SEMA6D: variants seen among roughly 807,000 people sequenced by gnomAD.
SEMA6D encodes semaphorin-6D.
In SEMA6D, 35 loss-of-function variants were observed where a neutral mutation model predicts 106.6. The ratio of observed to expected loss-of-function variants is 0.33; its 90% CI spans 0.25 to 0.44. The LOEUF (loss-of-function observed/expected upper bound fraction) is 0.44, where lower values mean the gene tolerates loss of function less well. SEMA6D is among the 20% of genes least tolerant of loss of function. The probability of loss-of-function intolerance (pLI) is 1.00; values close to 1 mark genes in which losing one functional copy is unlikely to be tolerated. For missense variants in SEMA6D, 1,185 were observed against 1,345.9 expected (o/e 0.88, Z 1.87); for synonymous variants, 499 against 487.7 (o/e 1.02, Z -0.31).
At chr15:47,404,517 A>G (rs1025142297) in intron 1 of SEMA6D, among the ~76,000 whole-genome samples, 1 of 152,156 alleles carries the variant, frequency 6.6e-6, no homozygotes, top group African/African-American at 2.4e-5. Context: ...AGCACAGACC[A>G]CCACCTCTCT....
intron 1 of SEMA6D, among the ~76,000 whole-genome samples, chr15:47,363,197 A>C (rs577189847): frequency 6.6e-6 from 1 of 152,318 alleles, no homozygotes; most frequent in East Asian, 1.9e-4. Context: ...ATAAAGAGGT[A>C]ACCTATCCAG....
intron 1 of SEMA6D, chr15:47,360,086 T>C (rs907006509): frequency 6.6e-6 from 1 of 152,182 alleles, no homozygotes; most frequent in East Asian, 1.9e-4. Context: ...TTTTCCAGAA[T>C]GTTCATTCTG....
chr15:47,550,101 C>T (rs546669384), intron 3 of SEMA6D, among the ~76,000 whole-genome samples: 5 of 152,282 alleles, frequency 3.3e-5, no homozygotes, highest in African/African-American at 1.2e-4. Flanking sequence ...TATAACCTTT[C>T]AAGAGGTTTT....
chr15:47,206,133 CA>C (rs1196731426), intron 1 of SEMA6D, among the ~76,000 whole-genome samples: 1 of 152,170 alleles, frequency 6.6e-6, no homozygotes, highest in Non-Finnish European at 1.5e-5. Flanking sequence ...TTATTAACCT[CA>C]AGCCACATGC....
chr15:47,651,520 G>A (rs2077691189), intron 4 of SEMA6D, among the ~76,000 whole-genome samples: 1 of 152,116 alleles, frequency 6.6e-6, no homozygotes, highest in Admixed American at 6.5e-5. Flanking sequence ...GATCTTATTG[G>A]GACCTTAAAA....
intron 1 of SEMA6D, among the ~76,000 whole-genome samples, chr15:47,361,713 C>A (rs147082188): frequency 6.6e-6 from 1 of 152,184 alleles, no homozygotes; most frequent in Non-Finnish European, 1.5e-5. Context: ...CTGCCTCCCT[C>A]GCACATGCTC....
At chr15:47,239,062 A>AT (rs2032739741) in intron 1 of SEMA6D, among the ~76,000 whole-genome samples, 1 of 152,118 alleles carries the variant, frequency 6.6e-6, no homozygotes, top group Non-Finnish European at 1.5e-5. Context: ...GTTCATCTGT[A>AT]TTTATAGCCA....
chr15:47,222,064 T>C (rs1464134991), intron 1 of SEMA6D, among the ~76,000 whole-genome samples: 1 of 152,102 alleles, frequency 6.6e-6, no homozygotes, highest in Non-Finnish European at 1.5e-5. Flanking sequence ...CGCAAGTGTT[T>C]AAGAACTCCT....
intron 3 of SEMA6D, among the ~76,000 whole-genome samples, chr15:47,584,928 C>T (rs997373793): frequency 2.6e-5 from 4 of 152,266 alleles, no homozygotes; most frequent in Non-Finnish European, 5.9e-5. Flanking sequence ...GGCTGTGATT[C>T]TTGATTCTAC....
chr15:47,540,931 T>G (rs774382504), intron 3 of SEMA6D, among the ~76,000 whole-genome samples: 5 of 151,982 alleles, frequency 3.3e-5, no homozygotes, highest in Non-Finnish European at 5.9e-5. Context: ...AGCAAGAAAC[T>G]CATTAGTAAT....
intron 4 of SEMA6D, among the ~76,000 whole-genome samples, chr15:47,711,258 C>G (rs1187525781): frequency 7.4e-6 from 1 of 135,342 alleles, no homozygotes; most frequent in African/African-American, 2.8e-5. Context: ...TGCAGTGAGC[C>G]GAGATCCCGC....
chr15:47,519,787 C>T (rs2044510256), intron 3 of SEMA6D, among the ~76,000 whole-genome samples: 1 of 152,174 alleles, frequency 6.6e-6, no homozygotes, highest in Admixed American at 6.5e-5. Context: ...CATATTAGTA[C>T]CTGCCCTTTC....
chr15:47,528,226 G>A (rs1318683999), intron 3 of SEMA6D, among the ~76,000 whole-genome samples: 1 of 152,166 alleles, frequency 6.6e-6, no homozygotes. Flanking sequence ...AGTGTTCAGA[G>A]GAATAACTAA....
intron 4 of SEMA6D, among the ~76,000 whole-genome samples, chr15:47,643,498 T>C (rs939226171): frequency 2.0e-5 from 3 of 152,296 alleles, no homozygotes; most frequent in Non-Finnish European, 4.4e-5. Context: ...GCTAATCACT[T>C]GGGGATTTTA....
chr15:47,572,046 C>T (rs2046398581), intron 3 of SEMA6D, among the ~76,000 whole-genome samples: 1 of 152,222 alleles, frequency 6.6e-6, no homozygotes, highest in African/African-American at 2.4e-5. Context: ...ATCAACATCA[C>T]TTCTGACTCT....
At chr15:47,513,995 A>C (rs2044311590) in intron 3 of SEMA6D, among the ~76,000 whole-genome samples, 1 of 152,220 alleles carries the variant, frequency 6.6e-6, no homozygotes, top group African/African-American at 2.4e-5. Flanking sequence ...GCTCCGCCAT[A>C]GAAACTGAGA....
chr15:47,275,376 G>A (rs1364033899), intron 1 of SEMA6D, among the ~76,000 whole-genome samples: 1 of 152,094 alleles, frequency 6.6e-6, no homozygotes, highest in Non-Finnish European at 1.5e-5. Flanking sequence ...CTTTGCAGAT[G>A]TTGCATTTTT....
rs74685672 is a variant in SEMA6D at position 47,309,324 on chromosome 15, G to A, written c.-238-103069G>A. On this transcript the variant is annotated intron_variant, in intron 1 of 19. Coordinates refer to the SEMA6D transcript ENST00000558014. ...CCTCCATCCTGTTCTGTCCCACCTG[G>A]GATGTGAATCTTCCTTTTGTCCATT... Among the ~76,000 whole-genome samples the A allele has an allele frequency of 3.7e-3, 557 of 152,236 alleles. 31 individuals are homozygous for A. In the East Asian group the frequency reaches 0.1, roughly 27 times the overall value.
At chr15:47,315,781 T>C (rs981942260) in intron 1 of SEMA6D, among the ~76,000 whole-genome samples, 12 of 152,188 alleles carry the variant, frequency 7.9e-5, no homozygotes, top group African/African-American at 2.9e-4. Context: ...AGTTTTTAGT[T>C]TTACTCTTAT....
Sources: allele counts gnomAD v4.1 joint callset (sites outside exome capture counted in the v4.1 genomes callset), GRCh38; gene constraint gnomAD v4.1.1; transcripts MANE v1.5; gene names NCBI Gene and HGNC (gene_info 2026-07-23, HGNC 2026-07-21).